The following TMCO5A variants were observed in gnomAD, a reference collection of about 807,000 sequenced individuals.
TMCO5A encodes transmembrane and coiled-coil domain-containing protein 5A.
Under a neutral mutation model 42.3 loss-of-function variants are expected in TMCO5A, and 34 were observed. The ratio of observed to expected loss-of-function variants is 0.80; its 90% CI spans 0.61 to 1.07. The LOEUF is 1.07. TMCO5A is among the 50% of genes least tolerant of loss of function. TMCO5A has a pLI of 0.00. For missense variants in TMCO5A, 357 were observed against 327.9 expected, an observed-to-expected ratio of 1.09 and a Z score of -0.69; for synonymous variants, 131 against 115.6, an observed-to-expected ratio of 1.13 and a Z score of -0.86.
the TMCO5A span, among the ~76,000 whole-genome samples, chr15:38,001,793 T>A: frequency 6.6e-6 from 1 of 152,102 alleles, no homozygotes; most frequent in Non-Finnish European, 1.5e-5. Flanking sequence ...AAGAGAGAAG[T>A]AATACAAACT....
chr15:38,014,853 T>TATA, the TMCO5A span, among the ~76,000 whole-genome samples: 1 of 54,664 alleles, frequency 1.8e-5, no homozygotes, highest in East Asian at 8.0e-4. Context: ...AGGAGAAAGA[T>TATA]TATATATATA....
the TMCO5A span, among the ~76,000 whole-genome samples, chr15:38,031,655 T>G: frequency 6.6e-6 from 1 of 152,088 alleles, no homozygotes; most frequent in Non-Finnish European, 1.5e-5. Flanking sequence ...AGTCAATCCT[T>G]CAAATTACTA....
chr15:37,939,854 A>T (rs949109414), intron 6 of TMCO5A, among the ~76,000 whole-genome samples: 6 of 152,032 alleles, frequency 3.9e-5, no homozygotes, highest in African/African-American at 1.4e-4. Context: ...CATTTGGCTA[A>T]CTGGTCCTGG....
chr15:38,030,467 C>T, the TMCO5A span, among the ~76,000 whole-genome samples: 3 of 152,180 alleles, frequency 2.0e-5, no homozygotes, highest in Non-Finnish European at 4.4e-5. Flanking sequence ...CTTATTATCA[C>T]AGCCTCTAAA....
intron 11 of TMCO5A, 70 bp downstream of exon 11, chr15:37,947,766 A>G: frequency 9.5e-7 from 1 of 1,052,762 alleles, no homozygotes; most frequent in Non-Finnish European, 1.5e-6. Flanking sequence ...GGGCAGAGGG[A>G]AAAGTCTAGA....
intron 10 of TMCO5A, chr15:37,944,378 TCTAA>T (rs1889860285): frequency 6.6e-6 from 1 of 152,076 alleles, no homozygotes; most frequent in African/African-American, 2.4e-5. Context: ...AAATATTCCT[TCTAA>T]CTATGTGTCA....
the TMCO5A span, among the ~76,000 whole-genome samples, chr15:38,034,833 GT>G: frequency 6.6e-6 from 1 of 152,144 alleles, no homozygotes; most frequent in Non-Finnish European, 1.5e-5. Flanking sequence ...GTGACCCCAT[GT>G]GGCTCTCCTC....
the TMCO5A span, among the ~76,000 whole-genome samples, chr15:38,018,069 A>G: frequency 1.3e-5 from 2 of 152,154 alleles, no homozygotes; most frequent in Non-Finnish European, 2.9e-5. Context: ...TCTTTTCTTC[A>G]TAAGTCACCC....
At chr15:37,963,962 T>A (rs118059973) in intron 11 of TMCO5A, among the ~76,000 whole-genome samples, 16,799 of 152,254 alleles carry the variant, frequency 0.11, 1,197 homozygotes, top group Non-Finnish European at 0.15. Context: ...CCTCCCTGAT[T>A]AACTTAATAA....
the TMCO5A span, among the ~76,000 whole-genome samples, chr15:38,002,130 T>G: frequency 6.6e-6 from 1 of 152,136 alleles, no homozygotes; most frequent in South Asian, 2.1e-4. Flanking sequence ...CCTCAACTTT[T>G]GTTTGTCTGG....
At chr15:37,938,051 AT>A (rs1399162941) in intron 5 of TMCO5A, 106 bp from the exon 6 acceptor site, 8 of 892,406 alleles carry the variant, frequency 9.0e-6, no homozygotes, top group Non-Finnish European at 1.2e-5. Flanking sequence ...AAAGGACCAT[AT>A]CCTGGAAAGG....
intron 4 of TMCO5A, 50 bp from the exon 5 acceptor site, chr15:37,937,296 G>T (rs771141378): frequency 5.6e-6 from 9 of 1,598,310 alleles, no homozygotes; most frequent in African/African-American, 1.3e-5. Context: ...AACTGAATAA[G>T]AACAGATGGA....
downstream of TMCO5A, among the ~76,000 whole-genome samples, chr15:37,953,414 G>T (rs143087305): frequency 1.2e-4 from 18 of 152,068 alleles, no homozygotes; most frequent in Non-Finnish European, 2.5e-4. Flanking sequence ...AAGAGAATAC[G>T]AACCTTTGCC....
chr15:38,031,948 C>G, the TMCO5A span, among the ~76,000 whole-genome samples: 1 of 151,662 alleles, frequency 6.6e-6, no homozygotes, highest in Non-Finnish European at 1.5e-5. Context: ...CTTTCTTCAC[C>G]AGGACAATTG....
intron 11 of TMCO5A, among the ~76,000 whole-genome samples, chr15:37,950,563 A>G (rs1890122626): frequency 6.6e-6 from 1 of 152,186 alleles, no homozygotes; most frequent in Non-Finnish European, 1.5e-5. Flanking sequence ...CAATAAACCT[A>G]TAACAGATGT....
the TMCO5A span, among the ~76,000 whole-genome samples, chr15:38,030,098 C>T: frequency 1.3e-5 from 2 of 152,156 alleles, no homozygotes; most frequent in Non-Finnish European, 1.5e-5. Context: ...GAGTCTTTTA[C>T]ATTTATAGGC....
At chr15:37,967,598 T>A (rs1367854857) in exon 12 of TMCO5A, 1 of 152,172 alleles carries the variant, frequency 6.6e-6, no homozygotes, top group Non-Finnish European at 1.5e-5. Flanking sequence ...AGGTAAAAAA[T>A]TCTACCTATT....
In TMCO5A at chr15:37,934,685, A is replaced by G. The variant is rs376746842; in HGVS notation, c.-112A>G. The G allele has an allele frequency of 6.6e-6, 1 of 152,140 alleles. No individual in the cohort carries two copies. 9.4% of individuals were successfully genotyped at this position (152,140 alleles called of 1,614,324 possible). A position where few individuals can be genotyped will look rare whatever the true frequency, so the allele number is the denominator to read the frequency against. On this transcript the variant is annotated 5_prime_UTR_variant, in exon 1 of 12. Coordinates refer to ENST00000319669, the MANE Select transcript of TMCO5A (RefSeq NM_152453.4). Reference sequence around the variant, plus strand: ...AGGATCAGGAAGACAAGACACATCAAAAAGGGGAGGTAGAGTTTGTAGAAG... The same window carrying G: ...AGGATCAGGAAGACAAGACACATCAGAAAGGGGAGGTAGAGTTTGTAGAAG...
chr15:38,029,309 A>G, the TMCO5A span, among the ~76,000 whole-genome samples: 1 of 151,144 alleles, frequency 6.6e-6, no homozygotes, highest in South Asian at 2.1e-4. Context: ...CACTTTCACA[A>G]ATACAGGCAC....
Sources: allele counts gnomAD v4.1 joint callset (sites outside exome capture counted in the v4.1 genomes callset), GRCh38; gene constraint gnomAD v4.1.1; transcripts MANE v1.5; gene names NCBI Gene and HGNC (gene_info 2026-07-23, HGNC 2026-07-21).